The following RET variants were observed in gnomAD, a reference collection of about 807,000 sequenced individuals.
The protein encoded by RET is ret proto-oncogene.
A neutral mutation model predicts 118.3 loss-of-function variants in RET; 19 were observed. The ratio of observed to expected loss-of-function variants is 0.16; its 90% CI spans 0.11 to 0.24. RET has a LOEUF of 0.24. Ranked by LOEUF, RET falls within the 10% of genes least tolerant of loss-of-function variation. The pLI is 1.00. For missense variants in RET, 1,219 were observed against 1,502.1 expected (o/e 0.81, Z 3.12); for synonymous variants, 597 against 644.1 (o/e 0.93, Z 1.11).
intron 8 of RET, among the ~76,000 whole-genome samples, 167 bp from the exon 9 acceptor site, chr10:43,112,686 A>G (rs1482908645): frequency 6.6e-6 from 1 of 152,134 alleles, no homozygotes; most frequent in Non-Finnish European, 1.5e-5. Context: ...CTCTCCCATA[A>G]GCCATGGCTC....
intron 5 of RET, 41 bp from the exon 6 acceptor site, chr10:43,108,990 C>T (rs1180940036): frequency 6.3e-7 from 1 of 1,592,806 alleles, no homozygotes; most frequent in African/African-American, 1.3e-5. Flanking sequence ...GAGGAAGCAG[C>T]CAGAGCAGCT....
At chr10:43,125,571 G>A (rs1438141553) in intron 18 of RET, among the ~76,000 whole-genome samples, 1 of 152,208 alleles carries the variant, frequency 6.6e-6, no homozygotes, top group South Asian at 2.1e-4. Context: ...CATATCGGGG[G>A]GTGGCCAGAG....
intron 5 of RET, among the ~76,000 whole-genome samples, chr10:43,107,486 G>C (rs1023631667): frequency 6.6e-6 from 1 of 151,646 alleles, no homozygotes; most frequent in African/African-American, 2.4e-5. Context: ...CCATGCTCTG[G>C]GGGAGCTGTC....
In RET at chr10:43,100,847, CA is replaced by C. The variant is rs796900369; in HGVS notation, c.337+126del. On this transcript the variant is annotated intron_variant, in intron 2 of 19. Coordinates refer to ENST00000355710, the MANE Select transcript of RET (RefSeq NM_020975.6). The stretch of plus-strand genomic sequence containing the variant: ...CCCCCACCGCTGGTGTGGAAGGCGT[CA>C]GGGGTTAAGTGAGGCTGGCCTGCCT... 7.4e-5 allele frequency: 84 copies of C among 1,128,862 alleles called. No individual in the cohort carries two copies. In the African/African-American group the frequency reaches 1.0e-3, roughly 14 times the overall value. The allele number at this position is 1,128,862 out of a possible 1,614,324, so 69.9% of individuals were successfully genotyped here.
chr10:43,089,662 G>A (rs1364677883), intron 1 of RET, among the ~76,000 whole-genome samples: 1 of 152,188 alleles, frequency 6.6e-6, no homozygotes, highest in African/African-American at 2.4e-5. Flanking sequence ...GTGTCGGGGA[G>A]CCCGCCCCCA....
At chr10:43,127,684 G>A (rs148332526) in intron 19 of RET, among the ~76,000 whole-genome samples, 122 of 152,048 alleles carry the variant, frequency 8.0e-4, no homozygotes, top group East Asian at 5.3e-3. Context: ...GTGCACCCTC[G>A]ATTTGGAAGG....
chr10:43,111,966 TG>T, intron 7 of RET, 132 bp from the exon 8 acceptor site: 1 of 1,294,880 alleles, frequency 7.7e-7, no homozygotes, highest in Non-Finnish European at 1.1e-6. Flanking sequence ...TTTGCTGCCC[TG>T]GGTCTGTCAC....
rs1342617385 is a variant in RET at position 43,101,040 on chromosome 10, G to A, written c.337+318G>A. Reference sequence around the variant, plus strand: ...AGGTTTCGAGAGAGGGAGTAAGTGGGGCTGGAAAAATCCCAAGGTTTTGAT... The same window carrying A: ...AGGTTTCGAGAGAGGGAGTAAGTGGAGCTGGAAAAATCCCAAGGTTTTGAT... On this transcript the variant is annotated intron_variant, in intron 2 of 19. Coordinates refer to ENST00000355710, the MANE Select transcript of RET (RefSeq NM_020975.6). 4.6e-5 allele frequency among the ~76,000 whole-genome samples: 7 copies of A among 152,328 alleles called. No homozygotes were observed. The East Asian group carries it at 1.3e-3, about 29-fold the overall frequency.
intron 1 of RET, among the ~76,000 whole-genome samples, chr10:43,092,699 G>A (rs1263411708): frequency 2.6e-5 from 4 of 152,192 alleles, no homozygotes; most frequent in Non-Finnish European, 5.9e-5. Flanking sequence ...TGGCAGCTCC[G>A]GTGCCCAGGG....
intron 19 of RET, among the ~76,000 whole-genome samples, chr10:43,127,894 G>A (rs1838369487): frequency 6.6e-6 from 1 of 152,076 alleles, no homozygotes; most frequent in Non-Finnish European, 1.5e-5. Context: ...GTCAAAATTG[G>A]TAGTGTCTGT....
chr10:43,112,348 C>T (rs1588872384), intron 8 of RET, 124 bp downstream of exon 8: 1 of 1,402,872 alleles, frequency 7.1e-7, no homozygotes, highest in African/African-American at 1.4e-5. Flanking sequence ...GCACCTCATC[C>T]CCCATGTGGC....
intron 1 of RET, among the ~76,000 whole-genome samples, chr10:43,093,911 G>T (rs1010498490): frequency 6.6e-6 from 1 of 152,144 alleles, no homozygotes; most frequent in African/African-American, 2.4e-5. Flanking sequence ...GTGGGGGTGG[G>T]ACACAGTGGC....
chr10:43,124,835 G>A (rs1359971525), intron 17 of RET, 48 bp from the exon 18 acceptor site: 6 of 1,590,296 alleles, frequency 3.8e-6, no homozygotes, highest in Non-Finnish European at 5.2e-6. Flanking sequence ...GTCCTTCTGA[G>A]ACCTGGCCCT....
intron 1 of RET, among the ~76,000 whole-genome samples, chr10:43,079,207 A>C (rs1300445756): frequency 1.3e-5 from 2 of 152,154 alleles, no homozygotes; most frequent in East Asian, 3.9e-4. Flanking sequence ...TGGATCACCA[A>C]GACACACTCC....
At chr10:43,101,185 G>A (rs1837634993) in intron 2 of RET, among the ~76,000 whole-genome samples, 1 of 152,112 alleles carries the variant, frequency 6.6e-6, no homozygotes, top group Non-Finnish European at 1.5e-5. Flanking sequence ...AGGTGTCCAG[G>A]GAGGAAAGAG....
At chr10:43,118,572 C>T in intron 13 of RET, 92 bp downstream of exon 13, 1 of 930,428 alleles carries the variant, frequency 1.1e-6, no homozygotes, top group African/African-American at 1.6e-5. Flanking sequence ...CCTTTCCCTA[C>T]TGCTCCTGCC....
At chr10:43,081,915 G>A (rs1254867846) in intron 1 of RET, among the ~76,000 whole-genome samples, 1 of 152,208 alleles carries the variant, frequency 6.6e-6, no homozygotes, top group Non-Finnish European at 1.5e-5. Flanking sequence ...CCAAGGCTCT[G>A]GGACACTTGG....
rs1452469572 is a variant in RET, at chr10:43,109,150, G to A, written c.1183G>A (p.Val395Met). The A allele has an allele frequency of 3.1e-6, 5 of 1,613,846 alleles. No individual in the cohort carries two copies. In the South Asian group the frequency reaches 5.5e-5, roughly 18 times the overall value. Reference sequence around the variant, plus strand: ...GGGCGTCCTCTTGCTCCACTTCAACGTGTCGGTGCTGCCGGTCAGCCTGCA... The same window carrying A: ...GGGCGTCCTCTTGCTCCACTTCAACATGTCGGTGCTGCCGGTCAGCCTGCA... ...GAGVLLLHFNVSVLPVSLHLP... is the reference protein window; with the variant it reads ...GAGVLLLHFNMSVLPVSLHLP... Residue 395 changes from valine to methionine, a missense_variant, in exon 6 of 20, where the codon GTG becomes ATG. Coordinates refer to ENST00000355710, the MANE Select transcript of RET (RefSeq NM_020975.6).
At chr10:43,086,411 C>T (rs1837289940) in intron 1 of RET, among the ~76,000 whole-genome samples, 1 of 152,192 alleles carries the variant, frequency 6.6e-6, no homozygotes, top group African/African-American at 2.4e-5. Context: ...GACAGATTGA[C>T]TTAAATTTGC....
Sources: gnomAD v4.1 joint callset for allele counts (sites outside exome capture counted in the v4.1 genomes callset) on GRCh38, gnomAD v4.1.1 for gene constraint, MANE v1.5 for transcripts, NCBI Gene and HGNC (gene_info 2026-07-23, HGNC 2026-07-21) for gene names.